Variants in SYNE1 observed in about 807,000 individuals in gnomAD.
SYNE1 encodes spectrin repeat containing nuclear envelope protein 1.
SYNE1 carries 616 observed loss-of-function variants against 1,111.0 expected under a neutral mutation model. That is an observed-to-expected ratio of 0.55 (90% CI 0.52 to 0.59). SYNE1 has a LOEUF of 0.59. Ranked by LOEUF, SYNE1 falls within the 20% of genes least tolerant of loss-of-function variation. The pLI is 0.00. For synonymous variants in SYNE1, 3,855 were observed against 3,825.8 expected, an observed-to-expected ratio of 1.01 and a Z score of -0.28; for missense variants, 10,006 against 10,417.0, an observed-to-expected ratio of 0.96 and a Z score of 1.72.
At chr6:152,381,833 C>G (rs2097423413) in intron 55 of SYNE1, among the ~76,000 whole-genome samples, 4 of 152,154 alleles carry the variant, frequency 2.6e-5, no homozygotes, top group Admixed American at 2.6e-4. Context: ...TACTAGGAAT[C>G]AAGCAGACTC....
In SYNE1 at chr6:152,213,751, T is replaced by C. The variant is rs1308079406; in HGVS notation, c.22355A>G (p.Gln7452Arg). ...SQTTERFSKL[Q>R]SFLLQHQTFL... Reference sequence around the variant, plus strand: ...AGTCTGATGTTGTAGCAAAAATGACTGCAACTTGCTGAAAGAACAAAGGGC... The same window carrying C: ...AGTCTGATGTTGTAGCAAAAATGACCGCAACTTGCTGAAAGAACAAAGGGC... The change falls in exon 123 of 146, where the codon CAG (glutamine) becomes CGG (arginine). Residue 7452 changes from glutamine (Q) to arginine (R), a missense_variant. Coordinates refer to ENST00000367255, the MANE Select transcript of SYNE1 (RefSeq NM_182961.4). The C allele has an allele frequency of 6.2e-7, 1 of 1,614,110 alleles. No homozygotes were observed. Among genetic ancestry groups the C allele is most frequent in the South Asian group, 1.1e-5 (1 of 91,088 alleles).
chr6:152,379,445 T>C (rs1000690179), intron 56 of SYNE1, among the ~76,000 whole-genome samples: 6 of 152,144 alleles, frequency 3.9e-5, no homozygotes, highest in Admixed American at 3.9e-4. Flanking sequence ...AGTATTGTCA[T>C]CTAATTGCAT....
chr6:152,317,524 T>A (rs2095761652), intron 86 of SYNE1, among the ~76,000 whole-genome samples: 1 of 152,146 alleles, frequency 6.6e-6, no homozygotes, highest in African/African-American at 2.4e-5. Flanking sequence ...CCTTCCTCTA[T>A]CCCTTCCTTC....
intron 59 of SYNE1, 55 bp from the exon 60 acceptor site, chr6:152,369,669 A>G (rs545617607): frequency 1.6e-5 from 25 of 1,602,496 alleles, no homozygotes; most frequent in Non-Finnish European, 1.9e-5. Flanking sequence ...AGCAAGTCCA[A>G]GGTCCTTCAC....
chr6:152,176,509 G>A lies in SYNE1; in HGVS notation c.23512C>T (p.Gln7838Ter), dbSNP rs769330654. 1 of 1,613,712 alleles carries A rather than the reference G, an allele frequency of 6.2e-7. No homozygotes were observed. The highest frequency in any genetic ancestry group is 1.7e-5 in the Admixed American group (1 of 60,010). The change falls in exon 130 of 146, where the codon CAA becomes TAA. Residue 7838 changes from glutamine to a stop codon, truncating the protein, a stop_gained. Transcript: ENST00000367255. LOFTEE classifies it high-confidence loss of function. Reference sequence around the variant, plus strand: ...GCTTTAGCAAGTCGTTCTCCCATTTGTTGGAGCTGTATTTTGTTCTCTTGA... The same window carrying A: ...GCTTTAGCAAGTCGTTCTCCCATTTATTGGAGCTGTATTTTGTTCTCTTGA... ...IAQENKIQLQ[Q>*]MGERLAKASH...
At position 152,331,502 on chromosome 6, in the gene SYNE1, C is replaced by G. The variant is rs757992256; in HGVS notation, c.13183G>C (p.Glu4395Gln). Residue 4395 changes from glutamate to glutamine, a missense_variant, in exon 78 of 146, where the codon GAG becomes CAG. By Grantham distance (29) the Glu-to-Gln change is conservative. Coordinates refer to ENST00000367255, the MANE Select transcript of SYNE1 (RefSeq NM_182961.4). ...GATTTCAGGAGCATCTGCTTGGCCT[C>G]CAGTTCACTGCAGATGGCCAGGTGA... is the stretch of plus-strand genomic sequence containing the variant. ...MDHLAICSEL[E>Q]AKQMLLKSLI... is the part of the protein sequence containing the mutation. The G allele has an allele frequency of 1.9e-6, 3 of 1,614,128 alleles. No homozygotes were observed. The highest frequency in any genetic ancestry group is 2.5e-6 in the Non-Finnish European group (3 of 1,180,010).
chr6:152,331,014 T>G lies in SYNE1; in HGVS notation c.13671A>C (p.Leu4557=), dbSNP rs773804589. ...GCTTCCTAGAAACCAAATTCTTCTCTAGTTCTTGTAACCGGTGACTGCACT... is the reference window on the plus strand; with the variant it reads ...GCTTCCTAGAAACCAAATTCTTCTCGAGTTCTTGTAACCGGTGACTGCACT... The part of the protein sequence containing the change: ...LQKCSHRLQE[L]EKNLVSRKHF... Residue 4557 remains leucine, a synonymous_variant, in exon 78 of 146, where the codon CTA becomes CTC. Coordinates refer to ENST00000367255, the MANE Select transcript of SYNE1 (RefSeq NM_182961.4). 1.2e-6 allele frequency: 2 copies of G among 1,614,064 alleles called. No homozygotes were observed. The highest frequency in any genetic ancestry group is 2.7e-5 in the African/African-American group (2 of 74,934).
Position 152,485,134 on chromosome 6 carries a change from A to T in SYNE1, c.1048-162T>A, listed in dbSNP as rs139739585. Among the ~76,000 whole-genome samples, 232 of 152,342 alleles carry T rather than the reference A, an allele frequency of 1.5e-3. 2 individuals are homozygous for T. Among genetic ancestry groups the T allele is most frequent in the Middle Eastern group, 6.8e-3 (2 of 294 alleles). ...ATGATACTAATAGCAGCTGTCATTC[A>T]TCAAGCCCTGACATAGCTTGACCCT... On this transcript the variant is annotated intron_variant, in intron 12 of 145. Transcript: ENST00000367255.
chr6:152,247,778 CACATAT>C lies in SYNE1; in HGVS notation c.19572+1377_19572+1382del, dbSNP rs1346000954. ...ACACACACACACACACACACACACA[CACATAT>C]ATTTTTAAAAATAAATAAAAAGAAA... On this transcript the variant is annotated intron_variant, in intron 105 of 145. Coordinates refer to ENST00000367255, the MANE Select transcript of SYNE1 (RefSeq NM_182961.4). 1.1e-4 allele frequency among the ~76,000 whole-genome samples: 16 copies of C among 141,288 alleles called. No homozygotes were observed. The East Asian group carries it at 2.6e-3, about 23-fold the overall frequency. The allele number at this position is 141,288 out of a possible 152,430, so 92.7% of individuals were successfully genotyped here.
intron 4 of SYNE1, among the ~76,000 whole-genome samples, chr6:152,528,240 C>A (rs2141151): frequency 0.13 from 19,928 of 152,146 alleles, 1,936 homozygotes; most frequent in Non-Finnish European, 0.19. Flanking sequence ...GCGACCTCTC[C>A]TAAACTTTGT....
chr6:152,451,468 ATTTTTTTTTTTTTTTT>A (rs145882121), intron 25 of SYNE1, among the ~76,000 whole-genome samples: 1 of 49,824 alleles, frequency 2.0e-5, no homozygotes. Flanking sequence ...CCTGCACCGT[ATTTTTTTTTTTTTTTT>A]TTTTTTTTTT....
chr6:152,201,171 G>T (rs1010316173), intron 127 of SYNE1, among the ~76,000 whole-genome samples: 3 of 151,996 alleles, frequency 2.0e-5, no homozygotes, highest in Non-Finnish European at 4.4e-5. Flanking sequence ...CTGCTGTTTG[G>T]ACATTTCACT....
intron 59 of SYNE1, 108 bp downstream of exon 59, chr6:152,372,929 C>G (rs1173381308): frequency 7.9e-7 from 1 of 1,259,470 alleles, no homozygotes; most frequent in Admixed American, 1.7e-5. Flanking sequence ...AGAGGGGTAA[C>G]CAAAATCATT....
At chr6:152,176,358 G>T (rs778970285) in intron 130 of SYNE1, 36 bp downstream of exon 130, 4 of 1,613,026 alleles carry the variant, frequency 2.5e-6, no homozygotes, top group Non-Finnish European at 3.4e-6. Flanking sequence ...TTAAAATACT[G>T]CCCACACGTG....
chr6:152,510,279 G>A lies in SYNE1; in HGVS notation c.495C>T (p.Ser165=), dbSNP rs567913785. Residue 165 remains serine, a synonymous_variant, in exon 8 of 146, where the codon AGC becomes AGT. Coordinates refer to ENST00000367255, the MANE Select transcript of SYNE1 (RefSeq NM_182961.4). ...TGGTCACCTTCCGTTTACTTGGTGG[G>A]CTGGGAGTCTCAGAGCTAACTATGC... ...VDSIVSSETP[S]PPSKRKVTTK... is the part of the protein sequence containing the mutation. 1.2e-6 allele frequency: 2 copies of A among 1,613,910 alleles called. No homozygotes were observed. Among genetic ancestry groups the A allele is most frequent in the South Asian group, 2.2e-5 (2 of 91,076 alleles).
intron 3 of SYNE1, among the ~76,000 whole-genome samples, chr6:152,583,239 G>A (rs948057482): frequency 2.0e-5 from 3 of 152,050 alleles, no homozygotes; most frequent in South Asian, 2.1e-4. Flanking sequence ...AGTGTGCCCC[G>A]GCTTCATGCG....
chr6:152,211,950 G>A (rs574951448), intron 123 of SYNE1, among the ~76,000 whole-genome samples: 24 of 151,990 alleles, frequency 1.6e-4, no homozygotes, highest in East Asian at 1.5e-3. Context: ...GCTTAGGACC[G>A]TTAAAGAAGT....
At chr6:152,581,476 T>C (rs1429940564) in intron 3 of SYNE1, among the ~76,000 whole-genome samples, 1 of 152,178 alleles carries the variant, frequency 6.6e-6, no homozygotes, top group African/African-American at 2.4e-5. Context: ...TGTAGGGACT[T>C]CAGAGTAGGA....
intron 44 of SYNE1, 71 bp from the exon 45 acceptor site, chr6:152,407,267 C>T: frequency 1.4e-6 from 2 of 1,426,890 alleles, no homozygotes; most frequent in Middle Eastern, 3.5e-4. Flanking sequence ...ACCAAAGTAC[C>T]AATGCTTCTT....
Sources: gnomAD v4.1 joint callset for allele counts (sites outside exome capture counted in the v4.1 genomes callset) on GRCh38, gnomAD v4.1.1 for gene constraint, MANE v1.5 for transcripts, NCBI Gene and HGNC (gene_info 2026-07-23, HGNC 2026-07-21) for gene names.